The following PLBD1 variants were observed in gnomAD, a reference collection of about 807,000 sequenced individuals.
PLBD1 encodes phospholipase B domain containing 1.
Under a neutral mutation model 63.0 loss-of-function variants are expected in PLBD1, and 60 were observed. The ratio of observed to expected loss-of-function variants is 0.95; its 90% CI spans 0.77 to 1.18. PLBD1 has a LOEUF of 1.18. Ranked by LOEUF, PLBD1 falls within the 50% of genes most tolerant of loss-of-function variation. The probability of loss-of-function intolerance (pLI) is 0.00; values close to 1 mark genes in which losing one functional copy is unlikely to be tolerated. For missense variants in PLBD1, 598 were observed against 677.9 expected, an observed-to-expected ratio of 0.88 and a Z score of 1.31; for synonymous variants, 262 against 248.0, an observed-to-expected ratio of 1.06 and a Z score of -0.53.
intron 2 of PLBD1, among the ~76,000 whole-genome samples, chr12:14,542,573 A>G (rs1201198985): frequency 6.6e-6 from 1 of 152,184 alleles, no homozygotes; most frequent in Admixed American, 6.6e-5. Context: ...TCAAACAAAA[A>G]ATTTGAGTCG....
intron 4 of PLBD1, among the ~76,000 whole-genome samples, chr12:14,537,328 G>A (rs1395930112): frequency 2.0e-5 from 3 of 151,990 alleles, no homozygotes; most frequent in Admixed American, 1.3e-4. Flanking sequence ...ATTTTGAGCT[G>A]GCCGATACTT....
At chr12:14,520,687 G>C (rs567216943) in intron 6 of PLBD1, among the ~76,000 whole-genome samples, 1 of 152,336 alleles carries the variant, frequency 6.6e-6, no homozygotes, top group South Asian at 2.1e-4. Flanking sequence ...GCATAAAAAA[G>C]AGAATGAAAC....
chr12:14,511,154 C>CCCCCAA, intron 8 of PLBD1, 106 bp downstream of exon 8: 3 of 1,124,388 alleles, frequency 2.7e-6, no homozygotes, highest in East Asian at 2.6e-5. Flanking sequence ...CTGTCTTCCC[C>CCCCCAA]ACCATACCCT....
At position 14,553,317 on chromosome 12, in the gene PLBD1, T is replaced by C. The variant is rs1162827704; in HGVS notation, c.211A>G (p.Asn71Asp). Residue 71 changes from asparagine (N) to aspartate (D), a missense_variant, in exon 2 of 11, where the codon AAT (asparagine) becomes GAT (aspartate). Physicochemically the swap from Asn to Asp is conservative, Grantham distance 23. Coordinates refer to ENST00000240617, the MANE Select transcript of PLBD1 (RefSeq NM_024829.6). ...DKNGDAYGFY[N>D]NSVKTTGWGI... is the part of the protein sequence containing the mutation. ...CAGCCTGTGGTTTTCACAGAGTTAT[T>C]GTAAAAGCCATAGGCGTCCCCATTC... 1.2e-6 allele frequency: 2 copies of C among 1,614,108 alleles called. No individual in the cohort carries two copies. The highest frequency in any genetic ancestry group is 1.7e-6 in the Non-Finnish European group (2 of 1,180,048).
chr12:14,534,645 G>C (rs1396625070), intron 6 of PLBD1, among the ~76,000 whole-genome samples: 1 of 150,808 alleles, frequency 6.6e-6, no homozygotes, highest in African/African-American at 2.4e-5. Flanking sequence ...CCGGGTTCAC[G>C]CCATTCTCTC....
At position 14,567,676 on chromosome 12, in the gene PLBD1, G is replaced by A. The variant is rs1188396456; in HGVS notation, c.21C>T (p.Gly7=). 2.0e-6 allele frequency: 3 copies of A among 1,469,898 alleles called. No homozygotes were observed. The highest frequency in any genetic ancestry group is 1.3e-5 in the South Asian group (1 of 76,118). The allele number at this position is 1,469,898 out of a possible 1,614,324, so 91.1% of individuals were successfully genotyped here. The change falls in exon 1 of 11, where the codon GGC becomes GGT. Residue 7 remains glycine, a synonymous_variant. Transcript: ENST00000240617. MTRGGP[G]GRPGLPQPPP... ...GCGGCTGTGGCAGCCCCGGGCGCCC[G>A]CCCGGACCGCCGCGGGTCATCGCTC...
chr12:14,553,498 G>T, intron 1 of PLBD1, 86 bp from the exon 2 acceptor site: 2 of 1,064,062 alleles, frequency 1.9e-6, no homozygotes, highest in Non-Finnish European at 2.8e-6. Context: ...ATTTCAAGAC[G>T]TTTGCTTTTA....
At chr12:14,511,156 C>G in intron 8 of PLBD1, 104 bp downstream of exon 8, 1 of 1,074,782 alleles carries the variant, frequency 9.3e-7, no homozygotes, top group Non-Finnish European at 1.3e-6. Flanking sequence ...GTCTTCCCCA[C>G]CATACCCTCC....
Position 14,549,315 on chromosome 12 carries a change from G to A in PLBD1, c.335+3878C>T, listed in dbSNP as rs936906351. ...ACAGGTGGTAGAGGAGAGAGATGGA[G>A]CTCTAATCCAGTGGGAATGAAATCT... On this transcript the variant is annotated intron_variant, in intron 2 of 10. Coordinates refer to ENST00000240617, the MANE Select transcript of PLBD1 (RefSeq NM_024829.6). Among the ~76,000 whole-genome samples the A allele has an allele frequency of 5.3e-5, 8 of 152,332 alleles. No individual in the cohort carries two copies. In the South Asian group the frequency reaches 8.3e-4, roughly 16 times the overall value.
intron 2 of PLBD1, among the ~76,000 whole-genome samples, chr12:14,543,122 TTC>T (rs1479328032): frequency 6.6e-6 from 1 of 152,208 alleles, no homozygotes; most frequent in Non-Finnish European, 1.5e-5. Context: ...CTATAATCTT[TTC>T]TGTTTTCCAT....
intron 4 of PLBD1, 73 bp downstream of exon 4, chr12:14,540,691 T>C (rs2136924114): frequency 7.2e-7 from 1 of 1,381,062 alleles, no homozygotes; most frequent in Non-Finnish European, 9.6e-7. Context: ...TAAATTGGAA[T>C]GTTATTTTAA....
intron 4 of PLBD1, among the ~76,000 whole-genome samples, chr12:14,540,013 CATAT>C (rs58124579): frequency 5.5e-3 from 124 of 22,738 alleles, no homozygotes; most frequent in African/African-American, 0.011. Context: ...AAGCTATGCA[CATAT>C]ATATATATAT....
At chr12:14,516,977 T>C (rs1945342016) in intron 6 of PLBD1, among the ~76,000 whole-genome samples, 1 of 152,046 alleles carries the variant, frequency 6.6e-6, no homozygotes, top group South Asian at 2.1e-4. Context: ...AGGCAGAGGT[T>C]GCAGTGAGCT....
At chr12:14,543,736 T>A (rs970504032) in intron 2 of PLBD1, among the ~76,000 whole-genome samples, 54 of 152,152 alleles carry the variant, frequency 3.5e-4, no homozygotes, top group Non-Finnish European at 6.2e-4. Flanking sequence ...GGAAAAAAAA[T>A]AAAAATTATT....
At position 14,511,415 on chromosome 12, in the gene PLBD1, A is replaced by C. The variant is rs916643103; in HGVS notation, c.1046-15T>G. ...GTTATAGGTGCCTGAAATATCAGGA[A>C]ACATGAAGACGGGGCATGGGTATGA... On this transcript the variant is annotated splice_polypyrimidine_tract_variant and intron_variant, in intron 7 of 10. Coordinates refer to ENST00000240617, the MANE Select transcript of PLBD1 (RefSeq NM_024829.6). 6.2e-7 allele frequency: 1 copy of C among 1,613,208 alleles called. No homozygotes were observed. The highest frequency in any genetic ancestry group is 1.3e-5 in the African/African-American group (1 of 74,842).
In PLBD1 at chr12:14,535,162, T is replaced by A. The variant is rs539157762; in HGVS notation, c.844+497A>T. On this transcript the variant is annotated intron_variant, in intron 6 of 10. Transcript: ENST00000240617. Reference sequence around the variant, plus strand: ...ATTCATATTACACTTTATATTGTCCTCTTGAGTATAGTGTAAGGTTTATAA... The same window carrying A: ...ATTCATATTACACTTTATATTGTCCACTTGAGTATAGTGTAAGGTTTATAA... Among the ~76,000 whole-genome samples, 5 of 152,330 alleles carry A rather than the reference T, an allele frequency of 3.3e-5. No homozygotes were observed. The East Asian group carries it at 9.6e-4, about 29-fold the overall frequency.
intron 6 of PLBD1, among the ~76,000 whole-genome samples, chr12:14,524,224 C>A (rs148000983): frequency 7.9e-4 from 120 of 152,024 alleles, no homozygotes; most frequent in African/African-American, 2.5e-3. Context: ...GAGAAAGTTG[C>A]GGTATTCTAT....
chr12:14,546,114 G>A (rs1945614358), intron 2 of PLBD1, among the ~76,000 whole-genome samples: 1 of 152,050 alleles, frequency 6.6e-6, no homozygotes, highest in East Asian at 1.9e-4. Flanking sequence ...TTGAGATCAG[G>A]AGTTCAAGAC....
intron 6 of PLBD1, among the ~76,000 whole-genome samples, chr12:14,514,259 T>C (rs1489355250): frequency 6.6e-6 from 1 of 152,120 alleles, no homozygotes; most frequent in African/African-American, 2.4e-5. Context: ...CTTGACAGAG[T>C]GTAAAATGGA....
Sources: allele counts gnomAD v4.1 joint callset (sites outside exome capture counted in the v4.1 genomes callset), GRCh38; gene constraint gnomAD v4.1.1; transcripts MANE v1.5; gene names NCBI Gene and HGNC (gene_info 2026-07-23, HGNC 2026-07-21).